The following MAP3K7CL variants were observed in gnomAD, a reference collection of about 807,000 sequenced individuals.
MAP3K7CL encodes MAP3K7 C-terminal-like protein.
In MAP3K7CL, 16 loss-of-function variants were observed where a neutral mutation model predicts 18.6. The observed-to-expected ratio is 0.86, with a 90% CI of 0.58 to 1.31. The LOEUF (loss-of-function observed/expected upper bound fraction) is 1.31, where lower values mean the gene tolerates loss of function less well. Among genes scored for constraint, MAP3K7CL ranks in the 50% most tolerant of loss-of-function variants. The probability of loss-of-function intolerance (pLI) is 0.00; values close to 1 mark genes in which losing one functional copy is unlikely to be tolerated. For missense variants in MAP3K7CL, 163 were observed against 174.4 expected, an observed-to-expected ratio of 0.93 and a Z score of 0.37; for synonymous variants, 65 against 66.8, an observed-to-expected ratio of 0.97 and a Z score of 0.13.
chr21:29,118,718 G>A (rs1769860411), intron 4 of MAP3K7CL, among the ~76,000 whole-genome samples: 1 of 152,240 alleles, frequency 6.6e-6, no homozygotes, highest in Non-Finnish European at 1.5e-5. Context: ...TAGGGAAGGT[G>A]GGAGCATGAG....
intron 4 of MAP3K7CL, among the ~76,000 whole-genome samples, chr21:29,161,511 G>A (rs1404979928): frequency 6.6e-6 from 1 of 151,758 alleles, no homozygotes; most frequent in Non-Finnish European, 1.5e-5. Flanking sequence ...AAATACATGA[G>A]GTTGGTTTTC....
chr21:29,094,257 A>G (rs960505845), intron 4 of MAP3K7CL, among the ~76,000 whole-genome samples: 2 of 152,206 alleles, frequency 1.3e-5, no homozygotes, highest in Admixed American at 1.3e-4. Flanking sequence ...CGCAACAACA[A>G]TTATCTGGCC....
chr21:29,167,144 TGGCTAATGATG>T (rs1156648521), intron 4 of MAP3K7CL, among the ~76,000 whole-genome samples: 4 of 152,270 alleles, frequency 2.6e-5, no homozygotes, highest in Non-Finnish European at 5.9e-5. Flanking sequence ...AGTTCTCTGA[TGGCTAATGATG>T]TTACACAGGT....
At chr21:29,107,083 C>T (rs774274148) in intron 4 of MAP3K7CL, among the ~76,000 whole-genome samples, 1 of 151,950 alleles carries the variant, frequency 6.6e-6, no homozygotes, top group Non-Finnish European at 1.5e-5. Context: ...TTTGGGAGGC[C>T]GAGGCGGGTG....
intron 3 of MAP3K7CL, among the ~76,000 whole-genome samples, chr21:29,156,018 T>C (rs542966345): frequency 5.1e-4 from 77 of 152,338 alleles, no homozygotes; most frequent in African/African-American, 1.8e-3. Context: ...TATTCTTCAA[T>C]TTATCAACTC....
chr21:29,142,818 GA>G (rs2087038206), intron 2 of MAP3K7CL, among the ~76,000 whole-genome samples: 1 of 152,178 alleles, frequency 6.6e-6, no homozygotes, highest in African/African-American at 2.4e-5. Context: ...TGCAGAGGAG[GA>G]AACTGAGTCT....
chr21:29,100,323 G>C (rs549101861), intron 4 of MAP3K7CL, among the ~76,000 whole-genome samples: 1 of 152,146 alleles, frequency 6.6e-6, no homozygotes, highest in African/African-American at 2.4e-5. Flanking sequence ...CTTGGGCTAC[G>C]GATAAAGCAG....
intron 4 of MAP3K7CL, among the ~76,000 whole-genome samples, chr21:29,100,738 C>T (rs2086214257): frequency 8.9e-6 from 1 of 112,164 alleles, no homozygotes. Context: ...GAGATGGAGT[C>T]TCTCACTCTT....
rs2087506981 is a variant in MAP3K7CL, at chr21:29,160,034, A to G, written c.226A>G (p.Ile76Val). Reference sequence around the variant, plus strand: ...AGAATACCATGAGGTCAAAAAGGAAATCACCCTGCTTGAGCAAAGGAAGTA... The same window carrying G: ...AGAATACCATGAGGTCAAAAAGGAAGTCACCCTGCTTGAGCAAAGGAAGTA... Reference protein sequence around the residue: ...AEEYHEVKKEITLLEQRKKEL... With the variant: ...AEEYHEVKKEVTLLEQRKKEL... Residue 76 changes from isoleucine to valine, a missense_variant, in exon 4 of 5, where the codon ATC becomes GTC. Physicochemically the swap from Ile to Val is conservative, Grantham distance 29 (BLOSUM62 3). Transcript: ENST00000399928. 1 of 1,614,044 alleles carries G rather than the reference A, an allele frequency of 6.2e-7. No homozygotes were observed. Among genetic ancestry groups the G allele is most frequent in the East Asian group, 2.2e-5 (1 of 44,860 alleles).
At chr21:29,116,386 G>A (rs2086506059) in intron 4 of MAP3K7CL, among the ~76,000 whole-genome samples, 1 of 152,204 alleles carries the variant, frequency 6.6e-6, no homozygotes, top group Non-Finnish European at 1.5e-5. Flanking sequence ...GTTTTCTCGA[G>A]TAAAATCAGA....
intron 4 of MAP3K7CL, chr21:29,109,395 TA>T (rs142135130): frequency 7.5e-7 from 1 of 1,327,460 alleles, no homozygotes; most frequent in Non-Finnish European, 9.6e-7. Flanking sequence ...GAGAGAGCTT[TA>T]AAAAATGCTC....
intron 4 of MAP3K7CL, among the ~76,000 whole-genome samples, chr21:29,174,270 G>A (rs2087912278): frequency 6.6e-6 from 1 of 152,134 alleles, no homozygotes; most frequent in Non-Finnish European, 1.5e-5. Context: ...TTGGAGATTT[G>A]TTCAACTCAG....
chr21:29,140,602 C>T (rs1031762177), intron 2 of MAP3K7CL, among the ~76,000 whole-genome samples: 8 of 152,194 alleles, frequency 5.3e-5, no homozygotes, highest in Non-Finnish European at 1.2e-4. Flanking sequence ...TAAGAGAAAG[C>T]TCAAAGCTTC....
chr21:29,143,642 C>A (rs1048228559), intron 2 of MAP3K7CL, among the ~76,000 whole-genome samples: 1 of 151,994 alleles, frequency 6.6e-6, no homozygotes, highest in East Asian at 1.9e-4. Flanking sequence ...AGTCTGGTCT[C>A]GAACTCCCGA....
At chr21:29,097,244 A>G (rs1033017008) in intron 4 of MAP3K7CL, among the ~76,000 whole-genome samples, 3 of 152,080 alleles carry the variant, frequency 2.0e-5, no homozygotes, top group Non-Finnish European at 4.4e-5. Flanking sequence ...TATGCATACT[A>G]TGGTAAGCAT....
At chr21:29,098,714 A>T (rs1277171103) in intron 4 of MAP3K7CL, among the ~76,000 whole-genome samples, 1 of 152,238 alleles carries the variant, frequency 6.6e-6, no homozygotes, top group African/African-American at 2.4e-5. Context: ...CCCTTTGAAG[A>T]AATGAATGGA....
rs147609936 is a variant in MAP3K7CL, at chr21:29,162,933, T to A, written c.248+2877T>A. ...TAGCCTGGCCAACATGGCAAAGCCC[T>A]GTCTCTACTAAAAATACAAAAAAAT... is the stretch of plus-strand genomic sequence containing the variant. On this transcript the variant is annotated intron_variant, in intron 4 of 4. Transcript: ENST00000399928. 2.1e-3 allele frequency among the ~76,000 whole-genome samples: 321 copies of A among 152,204 alleles called. 2 individuals carry two copies. The highest frequency in any genetic ancestry group is 7.3e-3 in the African/African-American group (304 of 41,548).
intron 1 of MAP3K7CL, among the ~76,000 whole-genome samples, chr21:29,079,043 T>G (rs2085794702): frequency 6.6e-6 from 1 of 152,228 alleles, no homozygotes; most frequent in Non-Finnish European, 1.5e-5. Context: ...CCAAAGGGAC[T>G]TGGAGATTGC....
At chr21:29,165,013 A>G (rs958970486) in intron 4 of MAP3K7CL, among the ~76,000 whole-genome samples, 1 of 152,240 alleles carries the variant, frequency 6.6e-6, no homozygotes, top group African/African-American at 2.4e-5. Context: ...AAAGTCATTG[A>G]AATGAGATAT....
Sources: gnomAD v4.1 joint callset for allele counts (sites outside exome capture counted in the v4.1 genomes callset) on GRCh38, gnomAD v4.1.1 for gene constraint, MANE v1.5 for transcripts, NCBI Gene and HGNC (gene_info 2026-07-23, HGNC 2026-07-21) for gene names.